RIC1: variants seen among roughly 807,000 people sequenced by gnomAD.
RIC1 encodes RIC1 partner of RAB6A GEF complex.
A neutral mutation model predicts 169.0 loss-of-function variants in RIC1; 88 were observed. The ratio of observed to expected loss-of-function variants is 0.52; its 90% CI spans 0.44 to 0.62. The LOEUF is 0.62. Ranked by LOEUF, RIC1 falls within the 20% of genes least tolerant of loss-of-function variation. RIC1 has a pLI of 0.00. For synonymous variants in RIC1, 790 were observed against 601.5 expected (o/e 1.31, Z -4.59); for missense variants, 1,877 against 1,725.5 (o/e 1.09, Z -1.56).
intron 2 of RIC1, among the ~76,000 whole-genome samples, chr9:5,660,696 G>A (rs898405868): frequency 3.3e-5 from 5 of 150,538 alleles, no homozygotes; most frequent in African/African-American, 7.3e-5. Context: ...TTCTTAATGG[G>A]ATTTTTTTTT....
At chr9:5,761,550 ACT>A (rs1826342119) in intron 17 of RIC1, among the ~76,000 whole-genome samples, 1 of 151,920 alleles carries the variant, frequency 6.6e-6, no homozygotes, top group South Asian at 2.1e-4. Context: ...AAAAAGGGAA[ACT>A]CTTTGGTTTT....
chr9:5,661,109 TTG>T (rs1317042112), intron 2 of RIC1, among the ~76,000 whole-genome samples: 1 of 152,178 alleles, frequency 6.6e-6, no homozygotes, highest in Non-Finnish European at 1.5e-5. Context: ...TCCCCATTGC[TTG>T]TGTTTGTCAG....
chr9:5,641,759 T>C (rs1344247744), intron 1 of RIC1, among the ~76,000 whole-genome samples: 1 of 143,458 alleles, frequency 7.0e-6, no homozygotes, highest in Non-Finnish European at 1.5e-5. Flanking sequence ...TTAGAATTGC[T>C]GCTTGATTTT....
chr9:5,772,855 T>C (rs769561996), intron 24 of RIC1, 37 bp from the exon 25 acceptor site: 1 of 1,588,876 alleles, frequency 6.3e-7, no homozygotes, highest in Non-Finnish European at 8.6e-7. Flanking sequence ...TATAGATCTT[T>C]CTTAGCATAA....
At chr9:5,633,190 A>C (rs1347322581) in intron 1 of RIC1, among the ~76,000 whole-genome samples, 1 of 152,224 alleles carries the variant, frequency 6.6e-6, no homozygotes, top group African/African-American at 2.4e-5. Context: ...ATCATGGAAA[A>C]AAACAATGAT....
chr9:5,747,272 T>C (rs2131002842), intron 11 of RIC1, 30 bp from the exon 12 acceptor site: 2 of 1,569,864 alleles, frequency 1.3e-6, no homozygotes, highest in East Asian at 2.2e-5. Flanking sequence ...TTTCCTCCTT[T>C]GCCCTTTTGT....
rs772733609 is a variant in RIC1, at chr9:5,773,069, C to G, written c.3972C>G (p.Ala1324=). The change falls in exon 25 of 26, where the codon GCC becomes GCG. Residue 1324 remains alanine (A), a synonymous_variant. Transcript: ENST00000414202. ...GGCTCCATGCAGTGGACCGATGGGCCTCTACAGACTGGTAAGTGCTGCTTT... is the reference window on the plus strand; with the variant it reads ...GGCTCCATGCAGTGGACCGATGGGCGTCTACAGACTGGTAAGTGCTGCTTT... ...KTGLHAVDRW[A]STDCPGYKPF... 6.2e-7 allele frequency: 1 copy of G among 1,605,040 alleles called. No individual in the cohort carries two copies. The highest frequency in any genetic ancestry group is 1.7e-4 in the Middle Eastern group (1 of 6,002).
intron 1 of RIC1, among the ~76,000 whole-genome samples, chr9:5,640,919 T>C (rs530370398): frequency 2.0e-5 from 3 of 152,286 alleles, no homozygotes; most frequent in Admixed American, 6.5e-5. Context: ...TTTCAACATA[T>C]TGTGCCACTC....
chr9:5,699,280 A>G (rs1468690952), intron 3 of RIC1, among the ~76,000 whole-genome samples: 3 of 152,120 alleles, frequency 2.0e-5, no homozygotes, highest in African/African-American at 7.2e-5. Context: ...CTTTGGGTGA[A>G]TCAGCATCTG....
intron 4 of RIC1, among the ~76,000 whole-genome samples, chr9:5,718,606 C>A (rs1823407764): frequency 6.6e-6 from 1 of 152,164 alleles, no homozygotes. Flanking sequence ...AGATTTCCAA[C>A]AGCTTAGATT....
chr9:5,637,582 C>G (rs755180275), intron 1 of RIC1, among the ~76,000 whole-genome samples: 5 of 152,172 alleles, frequency 3.3e-5, no homozygotes, highest in Admixed American at 2.6e-4. Context: ...TACCCATTAG[C>G]CGTTCCCACC....
At chr9:5,675,724 G>T (rs955927485) in intron 2 of RIC1, among the ~76,000 whole-genome samples, 1 of 152,094 alleles carries the variant, frequency 6.6e-6, no homozygotes, top group Admixed American at 6.5e-5. Context: ...ATACAAAATG[G>T]CCTACAAATA....
intron 8 of RIC1, among the ~76,000 whole-genome samples, chr9:5,738,799 A>G (rs372377171): frequency 6.6e-6 from 1 of 152,036 alleles, no homozygotes; most frequent in African/African-American, 2.4e-5. Flanking sequence ...TAGGCTTCCT[A>G]TCAGTTTCAC....
intron 2 of RIC1, among the ~76,000 whole-genome samples, chr9:5,679,145 A>T (rs1162959709): frequency 1.3e-5 from 2 of 152,138 alleles, no homozygotes; most frequent in African/African-American, 4.8e-5. Flanking sequence ...GTCCAAGATC[A>T]GATAGTTGTA....
chr9:5,685,776 G>T (rs1821182008), intron 2 of RIC1, among the ~76,000 whole-genome samples: 1 of 145,682 alleles, frequency 6.9e-6, no homozygotes, highest in Admixed American at 6.9e-5. Flanking sequence ...ATTGACAAAT[G>T]GGATGTAATT....
chr9:5,711,068 G>C (rs569742390), intron 3 of RIC1, among the ~76,000 whole-genome samples: 1 of 152,198 alleles, frequency 6.6e-6, no homozygotes, highest in South Asian at 2.1e-4. Flanking sequence ...GGTCTACCAG[G>C]TGCTCAGTGC....
chr9:5,747,557 C>T (rs748206131), intron 12 of RIC1, 52 bp downstream of exon 12: 1 of 1,425,430 alleles, frequency 7.0e-7, no homozygotes, highest in Admixed American at 1.7e-5. Flanking sequence ...TAGGATATCA[C>T]CTGGAACAGA....
chr9:5,684,846 C>G (rs1251947767), intron 2 of RIC1, among the ~76,000 whole-genome samples: 1 of 152,018 alleles, frequency 6.6e-6, no homozygotes, highest in African/African-American at 2.4e-5. Context: ...CCATTTCTTC[C>G]TAATTTACTG....
At chr9:5,772,482 G>A in intron 23 of RIC1, 82 bp from the exon 24 acceptor site, 2 of 1,130,530 alleles carry the variant, frequency 1.8e-6, no homozygotes, top group Non-Finnish European at 2.5e-6. Flanking sequence ...ATCAACATCT[G>A]AGGAACAGCT....
Sources: allele counts gnomAD v4.1 joint callset (sites outside exome capture counted in the v4.1 genomes callset), GRCh38; gene constraint gnomAD v4.1.1; transcripts MANE v1.5; gene names NCBI Gene and HGNC (gene_info 2026-07-23, HGNC 2026-07-21).